The following STK39 variants were observed in gnomAD, a reference collection of about 807,000 sequenced individuals.
STK39 encodes the protein serine/threonine kinase 39, also known as STE20/SPS1-related proline-alanine-rich protein kinase.
In STK39, 20 loss-of-function variants were observed where a neutral mutation model predicts 77.8. That is an observed-to-expected ratio of 0.26 (90% confidence interval 0.18 to 0.37). The LOEUF is 0.37. STK39 is among the 10% of genes least tolerant of loss of function. The pLI, the probability that STK39 is intolerant of heterozygous loss-of-function variation, is 1.00. For synonymous variants in STK39, 246 were observed against 234.1 expected, an observed-to-expected ratio of 1.05 and a Z score of -0.47; for missense variants, 479 against 656.5, an observed-to-expected ratio of 0.73 and a Z score of 2.95.
Position 168,171,464 on chromosome 2 carries a change from G to GA in STK39, c.322-4058dup, listed in dbSNP as rs780890035. Among the ~76,000 whole-genome samples, 905 of 96,260 alleles carry GA rather than the reference G, an allele frequency of 9.4e-3. 12 individuals carry two copies. The highest frequency in any genetic ancestry group is 0.042 in the African/African-American group (816 of 19,604). The allele number at this position is 96,260 out of a possible 152,430, so 63.2% of individuals were successfully genotyped here. ...CCTTCCCCCAAAAAATAACAGAACTGAAAATAAAAAAAGGGAAAAAAAAAC... is the reference window on the plus strand; with the variant it reads ...CCTTCCCCCAAAAAATAACAGAACTGAAAAATAAAAAAAGGGAAAAAAAAAC... On this transcript the variant is annotated intron_variant, in intron 2 of 17. Coordinates refer to ENST00000355999, the MANE Select transcript of STK39 (RefSeq NM_013233.3).
At chr2:168,024,292 A>G (rs1684643545) in intron 14 of STK39, among the ~76,000 whole-genome samples, 1 of 152,132 alleles carries the variant, frequency 6.6e-6, no homozygotes, top group South Asian at 2.1e-4. Flanking sequence ...CAAAACCACA[A>G]ACTACTTATT....
intron 10 of STK39, among the ~76,000 whole-genome samples, chr2:168,080,174 T>C (rs571764364): frequency 6.6e-6 from 1 of 152,284 alleles, no homozygotes; most frequent in East Asian, 1.9e-4. Flanking sequence ...TACAGATTGG[T>C]AGAACTTTGA....
intron 2 of STK39, among the ~76,000 whole-genome samples, chr2:168,168,047 G>T (rs1057274618): frequency 3.3e-5 from 5 of 152,132 alleles, no homozygotes; most frequent in African/African-American, 1.2e-4. Context: ...CATTCTAAAA[G>T]AATCACAGGG....
intron 8 of STK39, among the ~76,000 whole-genome samples, chr2:168,131,993 A>G (rs1274521927): frequency 6.6e-6 from 1 of 152,186 alleles, no homozygotes; most frequent in African/African-American, 2.4e-5. Context: ...ACAAGTCACA[A>G]TCTAGCAGGT....
At chr2:168,236,476 T>C (rs1055008808) in intron 1 of STK39, among the ~76,000 whole-genome samples, 11 of 152,240 alleles carry the variant, frequency 7.2e-5, no homozygotes, top group African/African-American at 1.9e-4. Context: ...TTTGTCAATT[T>C]TGGCTTTTGT....
rs138620413 is a variant in STK39, at chr2:168,145,642, C to T, written c.629-4884G>A. Among the ~76,000 whole-genome samples the T allele has an allele frequency of 2.6e-3, 391 of 152,238 alleles. 1 individual carries two copies. The highest frequency in any genetic ancestry group is 4.2e-3 in the Admixed American group (64 of 15,296). On this transcript the variant is annotated intron_variant, in intron 5 of 17. Coordinates refer to ENST00000355999, the MANE Select transcript of STK39 (RefSeq NM_013233.3). ...ATTTAGTCCGCAAAACTAAAGTCTG[C>T]CAACTGTGTGGTTATGATGTCTAAA...
intron 2 of STK39, among the ~76,000 whole-genome samples, chr2:168,171,172 A>G (rs186668152): frequency 6.6e-6 from 1 of 152,292 alleles, no homozygotes; most frequent in African/African-American, 2.4e-5. Context: ...ATTTCACAAG[A>G]GTGGGAAGAC....
At chr2:168,242,557 AAAAATATATATATATATATATAT>A (rs1372741289) in intron 1 of STK39, among the ~76,000 whole-genome samples, 2 of 59,118 alleles carry the variant, frequency 3.4e-5, no homozygotes, top group African/African-American at 1.6e-4. Flanking sequence ...AAAAAAAAAA[AAAAATATATATATATATATATAT>A]ATATATATAT....
intron 14 of STK39, among the ~76,000 whole-genome samples, chr2:168,030,980 A>C (rs527465701): frequency 6.6e-6 from 1 of 152,358 alleles, no homozygotes; most frequent in South Asian, 2.1e-4. Flanking sequence ...TTCATGCAGA[A>C]TGTCTAAACA....
intron 16 of STK39, among the ~76,000 whole-genome samples, chr2:167,986,353 AG>A (rs2105275423): frequency 6.6e-6 from 1 of 152,344 alleles, no homozygotes; most frequent in Admixed American, 6.5e-5. Flanking sequence ...AAAGCAATCC[AG>A]GGAACAGCTA....
At position 168,191,296 on chromosome 2, in the gene STK39, C is replaced by T. The variant is rs1163038403; in HGVS notation, c.209-9206G>A. Among the ~76,000 whole-genome samples the T allele has an allele frequency of 4.6e-5, 7 of 152,284 alleles. 1 individual carries two copies. The South Asian group carries it at 1.2e-3, about 27-fold the overall frequency. On this transcript the variant is annotated intron_variant, in intron 1 of 17. Coordinates refer to ENST00000355999, the MANE Select transcript of STK39 (RefSeq NM_013233.3). ...AGCTAATTGCATCAGAGCTTGTGGGCTAAACAAGGGTTGGATTTTCAGCCT... is the reference window on the plus strand; with the variant it reads ...AGCTAATTGCATCAGAGCTTGTGGGTTAAACAAGGGTTGGATTTTCAGCCT...
chr2:168,100,365 A>C (rs1686789379), intron 10 of STK39, among the ~76,000 whole-genome samples: 1 of 152,184 alleles, frequency 6.6e-6, no homozygotes, highest in African/African-American at 2.4e-5. Context: ...AGCCAAAGGT[A>C]ACCACATGAT....
intron 1 of STK39, among the ~76,000 whole-genome samples, chr2:168,187,231 A>G (rs1232643367): frequency 6.6e-6 from 1 of 152,024 alleles, no homozygotes; most frequent in Non-Finnish European, 1.5e-5. Context: ...CATACCTGTA[A>G]TCCCAGCTAC....
At chr2:168,077,436 T>G (rs1170935569) in intron 10 of STK39, among the ~76,000 whole-genome samples, 1 of 152,224 alleles carries the variant, frequency 6.6e-6, no homozygotes. Context: ...TCTGTTTGTT[T>G]TATTTGCTGG....
chr2:168,100,937 G>GCACTATTC (rs1273993789), intron 10 of STK39, among the ~76,000 whole-genome samples: 1 of 146,146 alleles, frequency 6.8e-6, no homozygotes, highest in Non-Finnish European at 1.5e-5. Flanking sequence ...ATTCACAATA[G>GCACTATTC]CAAAGACTTG....
chr2:168,200,684 AAAAAT>A (rs57515359), intron 1 of STK39, among the ~76,000 whole-genome samples: 93,636 of 149,814 alleles, frequency 0.63, 30,539 homozygotes, highest in Non-Finnish European at 0.74. Flanking sequence ...CTCAAAACAT[AAAAAT>A]AAAATAAAAT....
intron 10 of STK39, among the ~76,000 whole-genome samples, chr2:168,082,129 A>G (rs1367109493): frequency 6.6e-6 from 1 of 152,102 alleles, no homozygotes; most frequent in Non-Finnish European, 1.5e-5. Context: ...TACAAGACCA[A>G]TGCCTCTGGG....
In STK39 at chr2:168,247,299, G is replaced by GCCGGGA; in HGVS notation, c.136_137insTCCCGG (p.Pro45_Ala46insValPro). 9.7e-7 allele frequency: 1 copy of GCCGGGA among 1,033,228 alleles called. No individual in the cohort carries two copies. Among genetic ancestry groups the GCCGGGA allele is most frequent in the Non-Finnish European group, 1.2e-6 (1 of 858,872 alleles). 64.0% of individuals were successfully genotyped at this position (1,033,228 alleles called of 1,614,324 possible). ...GACAGCCTGTGCCGCCGGGGCCGGG[G>GCCGGGA]CCGGGGCCGGGGCCGCGGGAGCTGC... On this transcript the variant is annotated inframe_insertion, in exon 1 of 18. Transcript: ENST00000355999.
intron 17 of STK39, among the ~76,000 whole-genome samples, chr2:167,957,087 C>T (rs1294914741): frequency 5.3e-5 from 8 of 151,896 alleles, no homozygotes; most frequent in Non-Finnish European, 1.2e-4. Context: ...AAACCAGCAT[C>T]AACTCTAGCA....
Sources: allele counts gnomAD v4.1 joint callset (sites outside exome capture counted in the v4.1 genomes callset), GRCh38; gene constraint gnomAD v4.1.1; transcripts MANE v1.5; gene names NCBI Gene and HGNC (gene_info 2026-07-23, HGNC 2026-07-21).